MDFIC2: variants seen among roughly 807,000 people sequenced by gnomAD.
MDFIC2 encodes MyoD family inhibitor domain containing 2.
intron 2 of MDFIC2, among the ~76,000 whole-genome samples, chr3:70,209,465 A>G (rs1701321297): frequency 6.6e-6 from 1 of 152,066 alleles, no homozygotes; most frequent in South Asian, 2.1e-4. Flanking sequence ...TAAGCATCAC[A>G]AAGAGTCTAG....
chr3:70,242,513 G>A lies in MDFIC2; in HGVS notation c.89-35723C>T, dbSNP rs151095263. On this transcript the variant is annotated intron_variant, in intron 2 of 3. Transcript: ENST00000567252. Reference sequence around the variant, plus strand: ...CATGATAGCTTCTAAGTTGTTTCCTGTTGTTCTTGGCCTCATTGCAATCCT... The same window carrying A: ...CATGATAGCTTCTAAGTTGTTTCCTATTGTTCTTGGCCTCATTGCAATCCT... 1.3e-3 allele frequency among the ~76,000 whole-genome samples: 203 copies of A among 152,242 alleles called. 2 individuals carry two copies. The highest frequency in any genetic ancestry group is 4.7e-3 in the African/African-American group (196 of 41,544).
rs79677198 is a variant in MDFIC2, at chr3:70,222,272, A to G, written c.89-15482T>C. 8.5e-3 allele frequency among the ~76,000 whole-genome samples: 1,299 copies of G among 152,050 alleles called. 22 individuals are homozygous for G. Among genetic ancestry groups the G allele is most frequent in the African/African-American group, 0.03 (1,226 of 41,482 alleles). ...TTGCTTTTGGCAACTGGAGATGAAG[A>G]CTCTTTGAAACTTCAGGTCCTCTAC... On this transcript the variant is annotated intron_variant, in intron 2 of 3. Coordinates refer to ENST00000567252, the MANE Select transcript of MDFIC2 (RefSeq NM_001364677.1).
intron 2 of MDFIC2, among the ~76,000 whole-genome samples, chr3:70,286,811 C>G (rs942940896): frequency 6.6e-6 from 1 of 152,134 alleles, no homozygotes; most frequent in African/African-American, 2.4e-5. Flanking sequence ...ATTTTATTCT[C>G]TTTGAAGCAA....
chr3:70,224,562 C>G (rs190296522), intron 2 of MDFIC2, among the ~76,000 whole-genome samples: 1 of 152,220 alleles, frequency 6.6e-6, no homozygotes, highest in African/African-American at 2.4e-5. Flanking sequence ...CTATAATTTC[C>G]GCAATGCTCA....
intron 2 of MDFIC2, chr3:70,271,951 C>A (rs1396644048): frequency 1.3e-5 from 2 of 152,180 alleles, no homozygotes; most frequent in African/African-American, 4.8e-5. Flanking sequence ...TTTGTAGAGA[C>A]AACGTTTCAT....
intron 2 of MDFIC2, among the ~76,000 whole-genome samples, chr3:70,219,586 C>A (rs1406707422): frequency 6.6e-6 from 1 of 151,996 alleles, no homozygotes; most frequent in African/African-American, 2.4e-5. Context: ...AAGGATCAAA[C>A]AAATTGGGAT....
At chr3:70,254,813 G>T (rs527366754) in intron 2 of MDFIC2, among the ~76,000 whole-genome samples, 1 of 152,204 alleles carries the variant, frequency 6.6e-6, no homozygotes, top group South Asian at 2.1e-4. Context: ...TTCTATACAA[G>T]ATTTATGCAT....
chr3:70,235,075 G>A, intron 2 of MDFIC2, among the ~76,000 whole-genome samples: 1 of 152,196 alleles, frequency 6.6e-6, no homozygotes, highest in African/African-American at 2.4e-5. Flanking sequence ...GCACTTTGCT[G>A]CAGAATGTCC....
At chr3:70,229,553 G>T (rs1406157656) in intron 2 of MDFIC2, among the ~76,000 whole-genome samples, 1 of 152,152 alleles carries the variant, frequency 6.6e-6, no homozygotes. Context: ...CTGGCTGAAG[G>T]GACATGGGCA....
intron 2 of MDFIC2, among the ~76,000 whole-genome samples, chr3:70,270,942 A>G (rs7640140): frequency 0.99 from 150,334 of 152,204 alleles, 74,253 homozygotes; most frequent in Non-Finnish European, 1. Context: ...TAGATGATGG[A>G]TTGATGGGTG....
intron 3 of MDFIC2, among the ~76,000 whole-genome samples, chr3:70,199,167 C>G (rs943650059): frequency 1.3e-5 from 2 of 152,070 alleles, no homozygotes; most frequent in African/African-American, 4.8e-5. Context: ...TAAAAGTTTG[C>G]TTTGGAGTTA....
chr3:70,247,491 T>C (rs1341296301), intron 2 of MDFIC2, among the ~76,000 whole-genome samples: 1 of 151,742 alleles, frequency 6.6e-6, no homozygotes. Flanking sequence ...ATTATATGAA[T>C]TAGTTGAAAA....
chr3:70,288,198 T>C lies in MDFIC2; in HGVS notation c.88+23688A>G, dbSNP rs981178819. Among the ~76,000 whole-genome samples, 12 of 140,530 alleles carry C rather than the reference T, an allele frequency of 8.5e-5. 2 individuals carry two copies. Among genetic ancestry groups the C allele is most frequent in the Admixed American group, 2.2e-4 (3 of 13,836 alleles). 92.2% of individuals were successfully genotyped at this position (140,530 alleles called of 152,430 possible). A position where few individuals can be genotyped will look rare whatever the true frequency, so the allele number is the denominator to read the frequency against. ...CCTGCTTTCTCTTGTGGGCATTTAG[T>C]GCTATAAATTTCCCTCTACACACTG... On this transcript the variant is annotated intron_variant, in intron 2 of 3. Coordinates refer to ENST00000567252, the MANE Select transcript of MDFIC2 (RefSeq NM_001364677.1).
chr3:70,250,124 T>G (rs528964623), intron 2 of MDFIC2, among the ~76,000 whole-genome samples: 1 of 152,306 alleles, frequency 6.6e-6, no homozygotes, highest in South Asian at 2.1e-4. Context: ...CCAGGGGATT[T>G]TTTAGCCTGT....
chr3:70,296,973 T>A (rs1702295331), intron 2 of MDFIC2, among the ~76,000 whole-genome samples: 1 of 152,026 alleles, frequency 6.6e-6, no homozygotes, highest in Admixed American at 6.6e-5. Context: ...ATATCTGATC[T>A]AATATCCCCA....
intron 2 of MDFIC2, among the ~76,000 whole-genome samples, chr3:70,241,110 G>A (rs1028235201): frequency 6.6e-6 from 1 of 152,094 alleles, no homozygotes; most frequent in Non-Finnish European, 1.5e-5. Context: ...TTCTGTTCAT[G>A]GATGGAGTAC....
intron 2 of MDFIC2, among the ~76,000 whole-genome samples, chr3:70,300,091 G>C (rs915472293): frequency 1.3e-5 from 2 of 151,976 alleles, no homozygotes; most frequent in African/African-American, 4.8e-5. Context: ...CCATTTTTCA[G>C]AATTCTAGAT....
chr3:70,263,193 T>C (rs535420704), intron 2 of MDFIC2, among the ~76,000 whole-genome samples: 1 of 152,330 alleles, frequency 6.6e-6, no homozygotes. Flanking sequence ...TTTTTCCTTC[T>C]GGTTATGGAT....
chr3:70,305,614 T>C (rs192132632), intron 2 of MDFIC2, among the ~76,000 whole-genome samples: 1 of 152,324 alleles, frequency 6.6e-6, no homozygotes, highest in East Asian at 1.9e-4. Flanking sequence ...GTCTCACATG[T>C]TTTCTCTGCG....
Sources: gnomAD v4.1 joint callset for allele counts (sites outside exome capture counted in the v4.1 genomes callset) on GRCh38, gnomAD v4.1.1 for gene constraint, MANE v1.5 for transcripts, NCBI Gene and HGNC (gene_info 2026-07-23, HGNC 2026-07-21) for gene names.